Variants in TMEM62 observed in about 807,000 individuals in gnomAD.
TMEM62 encodes transmembrane protein 62.
In TMEM62, 41 loss-of-function variants were observed where a neutral mutation model predicts 70.4. The observed-to-expected ratio is 0.58, with a 90% CI of 0.45 to 0.76. TMEM62 has a LOEUF of 0.76. Among genes scored for constraint, TMEM62 ranks in the 30% least tolerant of loss-of-function variants. TMEM62 has a pLI of 0.00. For synonymous variants in TMEM62, 268 were observed against 291.0 expected (o/e 0.92, Z 0.80); for missense variants, 688 against 788.5 (o/e 0.87, Z 1.53).
At chr15:43,163,522 C>T (rs2039005113) in intron 10 of TMEM62, among the ~76,000 whole-genome samples, 1 of 151,914 alleles carries the variant, frequency 6.6e-6, no homozygotes, top group African/African-American at 2.4e-5. Context: ...GTGGCTCAAG[C>T]CTGTAATCCC....
chr15:43,167,391 C>T (rs536465149), intron 10 of TMEM62, among the ~76,000 whole-genome samples: 496 of 151,612 alleles, frequency 3.3e-3, no homozygotes, highest in African/African-American at 0.012. Flanking sequence ...GGCTGAGGGG[C>T]ACCTCACTTC....
In TMEM62 at chr15:43,167,987, G is replaced by A. The variant is rs550528333; in HGVS notation, c.1297-1606G>A. Among the ~76,000 whole-genome samples, 4 of 152,236 alleles carry A rather than the reference G, an allele frequency of 2.6e-5. No homozygotes were observed. The East Asian group carries it at 5.8e-4, about 22-fold the overall frequency. On this transcript the variant is annotated intron_variant, in intron 10 of 13. Transcript: ENST00000260403. The stretch of plus-strand genomic sequence containing the variant: ...AAAAATACGAAAACCAGTCAGGCGT[G>A]GCGGCGCACGCCTGCAATCGCAGGC...
Position 43,184,294 on chromosome 15 carries a change from T to G in TMEM62, c.1640T>G (p.Met547Arg). Reference protein sequence around the residue: ...AFFNIPLMAYMCWSLLQRCFG... With the variant: ...AFFNIPLMAYRCWSLLQRCFG... ...TTTAACATCCCCTTGATGGCTTACATGTGTTGGAGCTTGCTGCAGCGGTGC... is the reference window on the plus strand; with the variant it reads ...TTTAACATCCCCTTGATGGCTTACAGGTGTTGGAGCTTGCTGCAGCGGTGC... The change falls in exon 14 of 14, where the codon ATG becomes AGG. Residue 547 changes from methionine to arginine, a missense_variant. By Grantham distance (91) the Met-to-Arg change is moderately conservative. Coordinates refer to ENST00000260403, the MANE Select transcript of TMEM62 (RefSeq NM_024956.4). The G allele has an allele frequency of 5.6e-6, 9 of 1,614,122 alleles. No homozygotes were observed. The highest frequency in any genetic ancestry group is 7.6e-6 in the Non-Finnish European group (9 of 1,179,980).
chr15:43,176,388 G>A (rs1406617197), intron 11 of TMEM62, among the ~76,000 whole-genome samples: 1 of 152,208 alleles, frequency 6.6e-6, no homozygotes, highest in African/African-American at 2.4e-5. Context: ...CTCCTCAAGT[G>A]GGTCCCTGAC....
intron 10 of TMEM62, among the ~76,000 whole-genome samples, chr15:43,162,541 C>A (rs1212395328): frequency 1.3e-5 from 2 of 151,852 alleles, no homozygotes; most frequent in Non-Finnish European, 2.9e-5. Context: ...AAGTGATTCT[C>A]TTACCTCAGT....
intron 13 of TMEM62, among the ~76,000 whole-genome samples, chr15:43,183,087 T>G (rs2041510340): frequency 6.6e-6 from 1 of 152,222 alleles, no homozygotes; most frequent in South Asian, 2.1e-4. Context: ...TTTTCCAGTT[T>G]TAATAAATGA....
Position 43,148,746 on chromosome 15 carries a change from C to T in TMEM62, c.619-9C>T. The stretch of plus-strand genomic sequence containing the variant: ...AATTTAAGATCCTTCCATTTTTCTC[C>T]CATCTCAGAAAAAGATGGAGGAGCT... On this transcript the variant is annotated splice_polypyrimidine_tract_variant and intron_variant, in intron 5 of 13. Coordinates refer to ENST00000260403, the MANE Select transcript of TMEM62 (RefSeq NM_024956.4). 6.2e-7 allele frequency: 1 copy of T among 1,609,012 alleles called. No homozygotes were observed. Among genetic ancestry groups the T allele is most frequent in the South Asian group, 1.1e-5 (1 of 89,692 alleles).
chr15:43,169,570 C>T (rs375771828), intron 10 of TMEM62, 23 bp from the exon 11 acceptor site: 195 of 1,599,762 alleles, frequency 1.2e-4, no homozygotes, highest in Non-Finnish European at 1.5e-4. Context: ...ATCTATTTCA[C>T]GTTAACATCT....
chr15:43,133,900 C>G lies in TMEM62; in HGVS notation c.98C>G (p.Ser33Trp), dbSNP rs1011242926. The change falls in exon 1 of 14, where the codon TCG becomes TGG. Residue 33 changes from serine (S) to tryptophan (W), a missense_variant. Ser to Trp is a radical substitution (Grantham distance 177, BLOSUM62 -3). Transcript: ENST00000260403. ...CACTACGGCCTGGCGGGCCAGCCCT[C>G]GCCGCTGCCGCGCCCCGCGCCCCCC... ...LEHYGLAGQPSPLPRPAPPRR... is the reference protein window; with the variant it reads ...LEHYGLAGQPWPLPRPAPPRR... 6.7e-7 allele frequency: 1 copy of G among 1,499,220 alleles called. No individual in the cohort carries two copies. The highest frequency in any genetic ancestry group is 8.8e-7 in the Non-Finnish European group (1 of 1,131,994). The allele number at this position is 1,499,220 out of a possible 1,614,324, so 92.9% of individuals were successfully genotyped here.
Position 43,169,608 on chromosome 15 carries a change from G to A in TMEM62, c.1312G>A (p.Val438Met), listed in dbSNP as rs990035572. 15 of 1,613,810 alleles carry A rather than the reference G, an allele frequency of 9.3e-6. No individual in the cohort carries two copies. The East Asian group carries it at 3.1e-4, about 34-fold the overall frequency. Residue 438 changes from valine to methionine, a missense_variant, in exon 11 of 14, where the codon GTG (valine) becomes ATG (methionine). Transcript: ENST00000260403. The part of the protein sequence containing the change: ...DHYIMARVLF[V>M]LIVLSQLTIL... The stretch of plus-strand genomic sequence containing the variant: ...TTCCCTGCAGGCCCGGGTCCTTTTT[G>A]TGCTGATTGTGCTGAGCCAGCTCAC...
intron 10 of TMEM62, among the ~76,000 whole-genome samples, chr15:43,168,664 A>G (rs2039863493): frequency 6.6e-6 from 1 of 152,056 alleles, no homozygotes; most frequent in African/African-American, 2.4e-5. Context: ...TTTGAGCTGC[A>G]CTGCCTGGAG....
At chr15:43,158,217 A>G (rs542829881) in intron 9 of TMEM62, among the ~76,000 whole-genome samples, 1 of 152,188 alleles carries the variant, frequency 6.6e-6, no homozygotes, top group South Asian at 2.1e-4. Context: ...CTGGTTTTTT[A>G]TGCTTTTAAC....
chr15:43,184,624 A>C lies in TMEM62; in HGVS notation c.*38A>C, dbSNP rs1235872684. Reference sequence around the variant, plus strand: ...ACCACTGGCAGCTGGGCAGAAGCCCAGCCTCTGTGTCTGTAGCCCAGGCCT... The same window carrying C: ...ACCACTGGCAGCTGGGCAGAAGCCCCGCCTCTGTGTCTGTAGCCCAGGCCT... On this transcript the variant is annotated 3_prime_UTR_variant, in exon 14 of 14. Coordinates refer to ENST00000260403, the MANE Select transcript of TMEM62 (RefSeq NM_024956.4). The C allele has an allele frequency of 1.3e-6, 2 of 1,580,980 alleles. No individual in the cohort carries two copies. The highest frequency in any genetic ancestry group is 2.2e-5 in the South Asian group (2 of 89,806).
chr15:43,178,055 G>C (rs1315159053), intron 11 of TMEM62, among the ~76,000 whole-genome samples: 1 of 150,870 alleles, frequency 6.6e-6, no homozygotes, highest in Non-Finnish European at 1.5e-5. Flanking sequence ...TATTTGGACA[G>C]ATACTCATAT....
chr15:43,160,015 C>T (rs1219138793), intron 9 of TMEM62, among the ~76,000 whole-genome samples: 1 of 152,094 alleles, frequency 6.6e-6, no homozygotes, highest in African/African-American at 2.4e-5. Flanking sequence ...GTCACCCAGG[C>T]TGGAGTGCAG....
Position 43,133,974 on chromosome 15 carries a change from G to A in TMEM62, c.172G>A (p.Gly58Ser), listed in dbSNP as rs1353719489. ...PGPGDSNIFWGLQISDIHLSR... is the reference protein window; with the variant it reads ...PGPGDSNIFWSLQISDIHLSR... ...GCCCGGAGACAGCAACATCTTCTGG[G>A]GCCTGCAGGTGACGCGGCGGGAAGC... Residue 58 changes from glycine (G) to serine (S), a missense_variant, in exon 1 of 14, where the codon GGC (glycine) becomes AGC (serine). Physicochemically the swap from Gly to Ser is moderately conservative, Grantham distance 56. Coordinates refer to ENST00000260403, the MANE Select transcript of TMEM62 (RefSeq NM_024956.4). The A allele has an allele frequency of 4.1e-6, 6 of 1,447,718 alleles. No individual in the cohort carries two copies. The highest frequency in any genetic ancestry group is 4.5e-6 in the Non-Finnish European group (5 of 1,106,590). The allele number at this position is 1,447,718 out of a possible 1,614,324, so 89.7% of individuals were successfully genotyped here. A position where few individuals can be genotyped will look rare whatever the true frequency, so the allele number is the denominator to read the frequency against.
chr15:43,166,463 G>A (rs991593571), intron 10 of TMEM62, among the ~76,000 whole-genome samples: 4 of 151,620 alleles, frequency 2.6e-5, no homozygotes, highest in African/African-American at 9.7e-5. Flanking sequence ...TTTCTAATAT[G>A]TTAAATACAG....
At chr15:43,143,404 T>C (rs1302022573) in intron 4 of TMEM62, among the ~76,000 whole-genome samples, 1 of 152,244 alleles carries the variant, frequency 6.6e-6, no homozygotes, top group Non-Finnish European at 1.5e-5. Flanking sequence ...AAAAAATTCA[T>C]GTGACTCGCT....
chr15:43,150,179 C>T (rs980609606), intron 7 of TMEM62, among the ~76,000 whole-genome samples: 1 of 152,176 alleles, frequency 6.6e-6, no homozygotes, highest in Non-Finnish European at 1.5e-5. Flanking sequence ...GGTACTTTCT[C>T]ATTTTGGTTG....
Sources: gnomAD v4.1 joint callset for allele counts (sites outside exome capture counted in the v4.1 genomes callset) on GRCh38, gnomAD v4.1.1 for gene constraint, MANE v1.5 for transcripts, NCBI Gene and HGNC (gene_info 2026-07-23, HGNC 2026-07-21) for gene names.